Variants in GRHL2 observed in about 807,000 individuals in gnomAD.
GRHL2 encodes the protein grainyhead-like protein 2 homolog.
In GRHL2, 21 loss-of-function variants were observed where a neutral mutation model predicts 83.8. The ratio of observed to expected loss-of-function variants is 0.25; its 90% CI spans 0.18 to 0.36. GRHL2 has a LOEUF of 0.36. Ranked by LOEUF, GRHL2 falls within the 10% of genes least tolerant of loss-of-function variation. GRHL2 has a pLI of 1.00. For synonymous variants in GRHL2, 280 were observed against 278.9 expected, an observed-to-expected ratio of 1.00 and a Z score of -0.04; for missense variants, 623 against 781.8, an observed-to-expected ratio of 0.80 and a Z score of 2.42.
intron 6 of GRHL2, among the ~76,000 whole-genome samples, chr8:101,577,092 G>T (rs974026674): frequency 1.3e-5 from 2 of 151,980 alleles, no homozygotes; most frequent in Non-Finnish European, 2.9e-5. Flanking sequence ...ATTTGGGGGG[G>T]GTTTCTGCTG....
At chr8:101,591,632 CA>C (rs2130289261) in intron 7 of GRHL2, among the ~76,000 whole-genome samples, 1 of 152,266 alleles carries the variant, frequency 6.6e-6, no homozygotes, top group African/African-American at 2.4e-5. Flanking sequence ...TTGCATCAAG[CA>C]GACCCGGATT....
intron 8 of GRHL2, among the ~76,000 whole-genome samples, chr8:101,615,787 T>C (rs1812842912): frequency 6.6e-6 from 1 of 152,224 alleles, no homozygotes; most frequent in Non-Finnish European, 1.5e-5. Flanking sequence ...ACTTCTGTGA[T>C]TGCAGGAACC....
intron 2 of GRHL2, among the ~76,000 whole-genome samples, chr8:101,550,440 C>T (rs1186191110): frequency 6.6e-6 from 1 of 152,078 alleles, no homozygotes; most frequent in Non-Finnish European, 1.5e-5. Context: ...AGTCAGAACA[C>T]GCGGTATTTG....
rs185324472 is a variant in GRHL2, at chr8:101,600,458, C to T, written c.1098+1307C>T. On this transcript the variant is annotated intron_variant, in intron 8 of 15. Transcript: ENST00000646743. ...TGCCCTCTCCTGAGAACATCGTGCT[C>T]CTGTGCTTAGGGCTGTCTGCACCTT... 7.2e-5 allele frequency among the ~76,000 whole-genome samples: 11 copies of T among 152,384 alleles called. No homozygotes were observed. In the East Asian group the frequency reaches 2.1e-3, roughly 29 times the overall value.
At chr8:101,521,394 G>C (rs1810680200) in intron 1 of GRHL2, among the ~76,000 whole-genome samples, 1 of 152,216 alleles carries the variant, frequency 6.6e-6, no homozygotes, top group South Asian at 2.1e-4. Context: ...CGGGCAACAG[G>C]ATCTTTGGCC....
At chr8:101,675,293 T>C in the GRHL2 span, among the ~76,000 whole-genome samples, 1 of 152,128 alleles carries the variant, frequency 6.6e-6, no homozygotes, top group Non-Finnish European at 1.5e-5. Context: ...ATGACATGAT[T>C]GTATATCTAG....
chr8:101,515,130 G>T (rs1360624419), intron 1 of GRHL2, among the ~76,000 whole-genome samples: 1 of 149,664 alleles, frequency 6.7e-6, no homozygotes, highest in Non-Finnish European at 1.5e-5. Flanking sequence ...GTAGGAAAGA[G>T]AGAATAGACT....
intron 1 of GRHL2, among the ~76,000 whole-genome samples, chr8:101,511,917 A>G (rs1810474940): frequency 6.6e-6 from 1 of 152,198 alleles, no homozygotes; most frequent in African/African-American, 2.4e-5. Flanking sequence ...TATTCTGCCA[A>G]TGCCATTTAT....
intron 7 of GRHL2, among the ~76,000 whole-genome samples, chr8:101,581,171 C>T (rs934250310): frequency 2.6e-5 from 4 of 152,202 alleles, no homozygotes; most frequent in Non-Finnish European, 4.4e-5. Flanking sequence ...ACATGGAGGA[C>T]GTTTTGCAGT....
intron 1 of GRHL2, among the ~76,000 whole-genome samples, chr8:101,496,943 A>G (rs1342597992): frequency 6.6e-6 from 1 of 152,178 alleles, no homozygotes; most frequent in African/African-American, 2.4e-5. Flanking sequence ...AATTAACATG[A>G]TCAGTTCTCT....
intron 1 of GRHL2, among the ~76,000 whole-genome samples, chr8:101,505,597 A>AAC (rs61101455): frequency 6.7e-6 from 1 of 149,112 alleles, no homozygotes; most frequent in African/African-American, 2.5e-5. Context: ...AAAAAAAAAA[A>AAC]CAGTGTAAAT....
Position 101,649,402 on chromosome 8 carries a change from C to T in GRHL2, c.1613-12C>T. ...CCCTCGGTCACGTGGCTCTCTTGCC[C>T]ATCTCTTCCAGTGCTCTTGTACGTG... On this transcript the variant is annotated splice_polypyrimidine_tract_variant and intron_variant, in intron 13 of 15. Transcript: ENST00000646743. 1 of 1,610,844 alleles carries T rather than the reference C, an allele frequency of 6.2e-7. No individual in the cohort carries two copies. Among genetic ancestry groups the T allele is most frequent in the Non-Finnish European group, 8.5e-7 (1 of 1,177,146 alleles).
intron 1 of GRHL2, among the ~76,000 whole-genome samples, chr8:101,505,344 G>A (rs1230187606): frequency 6.6e-6 from 1 of 152,156 alleles, no homozygotes; most frequent in East Asian, 1.9e-4. Flanking sequence ...TAGGGAGGCC[G>A]AGGCGGGTGG....
intron 1 of GRHL2, among the ~76,000 whole-genome samples, chr8:101,498,411 T>C (rs894972096): frequency 1.3e-5 from 2 of 152,190 alleles, no homozygotes; most frequent in Admixed American, 6.5e-5. Context: ...TGAGCCGCCA[T>C]GCTTGGTGTT....
intron 12 of GRHL2, among the ~76,000 whole-genome samples, chr8:101,642,296 G>T (rs1250946974): frequency 6.6e-6 from 1 of 152,230 alleles, no homozygotes; most frequent in Admixed American, 6.5e-5. Flanking sequence ...TATCCAAGAT[G>T]TTATTTTAAT....
At position 101,644,085 on chromosome 8, in the gene GRHL2, G is replaced by A. The variant is rs762670488; in HGVS notation, c.1518-46G>A. On this transcript the variant is annotated intron_variant, in intron 12 of 15. Transcript: ENST00000646743. ...GGACACACATGTGAACGTGTGTTTTGACACCTTGCTGGTTTTACTTAAGGA... is the reference window on the plus strand; with the variant it reads ...GGACACACATGTGAACGTGTGTTTTAACACCTTGCTGGTTTTACTTAAGGA... The A allele has an allele frequency of 1.2e-5, 19 of 1,531,346 alleles. No individual in the cohort carries two copies. In the South Asian group the frequency reaches 2.1e-4, roughly 17 times the overall value. 94.9% of individuals were successfully genotyped at this position (1,531,346 alleles called of 1,614,324 possible). A position where few individuals can be genotyped will look rare whatever the true frequency, so the allele number is the denominator to read the frequency against.
intron 8 of GRHL2, among the ~76,000 whole-genome samples, chr8:101,601,421 C>A (rs997174970): frequency 1.3e-5 from 2 of 152,154 alleles, no homozygotes; most frequent in African/African-American, 4.8e-5. Flanking sequence ...CTGCAGTAAA[C>A]CAATGAGATA....
intron 1 of GRHL2, among the ~76,000 whole-genome samples, chr8:101,519,335 C>T (rs564755954): frequency 1.3e-5 from 2 of 152,094 alleles, no homozygotes; most frequent in Admixed American, 1.3e-4. Context: ...TTCATTGATT[C>T]TTCTACTGTT....
intron 8 of GRHL2, among the ~76,000 whole-genome samples, chr8:101,609,739 A>G (rs1056081156): frequency 6.6e-6 from 1 of 151,016 alleles, no homozygotes; most frequent in Non-Finnish European, 1.5e-5. Flanking sequence ...CCATTTGTGT[A>G]AAATAGGAAA....
Sources: allele counts gnomAD v4.1 joint callset (sites outside exome capture counted in the v4.1 genomes callset), GRCh38; gene constraint gnomAD v4.1.1; transcripts MANE v1.5; gene names NCBI Gene and HGNC (gene_info 2026-07-23, HGNC 2026-07-21).